Variants in LRRN1 observed in about 807,000 individuals in gnomAD.
LRRN1 encodes the protein leucine-rich repeat neuronal protein 1.
LRRN1 carries 14 observed loss-of-function variants against 45.8 expected under a neutral mutation model. That is an observed-to-expected ratio of 0.31 (90% CI 0.20 to 0.48). LRRN1 has a LOEUF of 0.48. LRRN1 is among the 20% of genes least tolerant of loss of function. LRRN1 has a pLI of 0.99. For missense variants in LRRN1, 789 were observed against 874.2 expected (o/e 0.90, Z 1.23); for synonymous variants, 359 against 330.1 (o/e 1.09, Z -0.95).
rs994531344 is a variant in LRRN1 at position 3,846,209 on chromosome 3, G to A, written c.1568G>A (p.Gly523Asp). ...AAGGTTAATGGGACCCTTCTGGATG[G>A]TACCCAGGTGCTAAAAATATACGTC... ...TIKVNGTLLD[G>D]TQVLKIYVKQ... Residue 523 changes from glycine (G) to aspartate (D), a missense_variant, in exon 2 of 2, where the codon GGT becomes GAT. Transcript: ENST00000319331. The surrounding 1 kb of genome is among the most constrained non-coding windows in gnomAD (Gnocchi z 5.7). 6.2e-7 allele frequency: 1 copy of A among 1,614,038 alleles called. No individual in the cohort carries two copies. The highest frequency in any genetic ancestry group is 1.1e-5 in the South Asian group (1 of 91,082).
intron 1 of LRRN1, among the ~76,000 whole-genome samples, chr3:3,820,118 C>A (rs1363259601): frequency 6.6e-6 from 1 of 152,122 alleles, no homozygotes; most frequent in African/African-American, 2.4e-5. Flanking sequence ...ACCATGTCTA[C>A]CTTTCTCACA....
intron 1 of LRRN1, among the ~76,000 whole-genome samples, chr3:3,821,156 C>T (rs1041090438): frequency 3.3e-5 from 5 of 152,182 alleles, no homozygotes; most frequent in Non-Finnish European, 5.9e-5. Flanking sequence ...GATTCATGAA[C>T]AACTAAGTTT....
intron 1 of LRRN1, among the ~76,000 whole-genome samples, chr3:3,834,339 G>A (rs1050616806): frequency 2.0e-5 from 3 of 150,960 alleles, no homozygotes; most frequent in Admixed American, 6.6e-5. Context: ...TTACAACAAC[G>A]ACTATCAGTG....
intron 1 of LRRN1, among the ~76,000 whole-genome samples, chr3:3,839,639 A>G (rs1363255646): frequency 6.6e-6 from 1 of 152,152 alleles, no homozygotes; most frequent in Non-Finnish European, 1.5e-5. Context: ...TTGTGTTTAT[A>G]TCATCTTTGA....
chr3:3,848,549 C>G lies in LRRN1; in HGVS notation c.*1757C>G, dbSNP rs730718. Among the ~76,000 whole-genome samples, 35,706 of 152,036 alleles carry G rather than the reference C, an allele frequency of 0.23. 5,465 individuals carry two copies. Among genetic ancestry groups the G allele is most frequent in the East Asian group, 0.47 (2,409 of 5,170 alleles). ...TATTTCTTTCTTTGGCAGTATCTTG[C>G]TTTTGTGAATCACTTTATTAAAAAA... On this transcript the variant is annotated 3_prime_UTR_variant, in exon 2 of 2. Transcript: ENST00000319331.
At chr3:3,832,474 C>T (rs1047778544) in intron 1 of LRRN1, among the ~76,000 whole-genome samples, 1 of 152,174 alleles carries the variant, frequency 6.6e-6, no homozygotes, top group African/African-American at 2.4e-5. Context: ...GCATAAGCCC[C>T]TGCTTTAACT....
In LRRN1 at chr3:3,849,321, G is replaced by A. The variant is rs1693846997; in HGVS notation, c.*2529G>A. On this transcript the variant is annotated 3_prime_UTR_variant, in exon 2 of 2. Coordinates refer to ENST00000319331, the MANE Select transcript of LRRN1 (RefSeq NM_020873.7). ...ACAATATCTTCTGCCAGCCCAGTTTGGGGGGAAAAACCCCTTTTACATTTT... is the reference window on the plus strand; with the variant it reads ...ACAATATCTTCTGCCAGCCCAGTTTAGGGGGAAAAACCCCTTTTACATTTT... Among the ~76,000 whole-genome samples the A allele has an allele frequency of 6.6e-6, 1 of 152,102 alleles. No homozygotes were observed. The highest frequency in any genetic ancestry group is 1.5e-5 in the Non-Finnish European group (1 of 68,012).
In LRRN1 at chr3:3,839,035, G is replaced by A. The variant is rs1037951701; in HGVS notation, c.-278-5329G>A. 5.3e-5 allele frequency among the ~76,000 whole-genome samples: 8 copies of A among 152,076 alleles called. No homozygotes were observed. The South Asian group carries it at 1.2e-3, about 24-fold the overall frequency. ...ATCATCTCATTTGTCTTCTGTTGTT[G>A]TTGTCGTTGCCTGTGTTTTTGGTGT... is the stretch of plus-strand genomic sequence containing the variant. On this transcript the variant is annotated intron_variant, in intron 1 of 1. Coordinates refer to ENST00000319331, the MANE Select transcript of LRRN1 (RefSeq NM_020873.7).
chr3:3,801,997 G>A (rs1692662529), intron 1 of LRRN1, among the ~76,000 whole-genome samples: 1 of 152,136 alleles, frequency 6.6e-6, no homozygotes, highest in African/African-American at 2.4e-5. Flanking sequence ...GTCGTTGACC[G>A]ACATGAAGAT....
At chr3:3,824,397 C>T (rs745629241) in intron 1 of LRRN1, among the ~76,000 whole-genome samples, 7 of 152,082 alleles carry the variant, frequency 4.6e-5, no homozygotes, top group Non-Finnish European at 8.8e-5. Flanking sequence ...TGTTCTATCA[C>T]CAATTAAGAG....
intron 1 of LRRN1, chr3:3,801,298 A>C (rs1228098990): frequency 6.6e-6 from 1 of 152,238 alleles, no homozygotes; most frequent in African/African-American, 2.4e-5. Flanking sequence ...TGGAATTCTA[A>C]TTGGGTGAGG....
chr3:3,801,966 T>C (rs1692661735), intron 1 of LRRN1, among the ~76,000 whole-genome samples: 1 of 152,208 alleles, frequency 6.6e-6, no homozygotes, highest in Non-Finnish European at 1.5e-5. Context: ...TCAGAGCTAT[T>C]CATTATAGTA....
chr3:3,807,785 G>A (rs1328020737), intron 1 of LRRN1, among the ~76,000 whole-genome samples: 1 of 152,138 alleles, frequency 6.6e-6, no homozygotes, highest in Non-Finnish European at 1.5e-5. Flanking sequence ...TAAGGACAGT[G>A]GAGTAGCAAT....
chr3:3,802,587 C>T (rs571144366), intron 1 of LRRN1, among the ~76,000 whole-genome samples: 1 of 152,066 alleles, frequency 6.6e-6, no homozygotes, highest in South Asian at 2.1e-4. Context: ...GGTTCAGTGC[C>T]TTTTATACAT....
chr3:3,841,046 T>C (rs1272691374), intron 1 of LRRN1, among the ~76,000 whole-genome samples: 2 of 152,106 alleles, frequency 1.3e-5, no homozygotes, highest in East Asian at 3.9e-4. Flanking sequence ...ACACCTGTAA[T>C]CCCAGCACTT....
chr3:3,809,815 A>G (rs1311686556), intron 1 of LRRN1, among the ~76,000 whole-genome samples: 1 of 152,210 alleles, frequency 6.6e-6, no homozygotes, highest in African/African-American at 2.4e-5. Flanking sequence ...AGTCCTTAGC[A>G]CAGTTCCTCT....
intron 1 of LRRN1, among the ~76,000 whole-genome samples, chr3:3,841,309 T>A (rs1035713131): frequency 9.2e-5 from 9 of 98,000 alleles, no homozygotes; most frequent in South Asian, 3.6e-4. Flanking sequence ...AAAAAAAAAA[T>A]TAGTTGAAAT....
At position 3,849,246 on chromosome 3, in the gene LRRN1, C is replaced by A. The variant is rs1266578085; in HGVS notation, c.*2454C>A. On this transcript the variant is annotated 3_prime_UTR_variant, in exon 2 of 2. Transcript: ENST00000319331. ...ATGAAGGGAAAAACCTCAGCCGTTT[C>A]TCCATTCTGAAGATATAGCAAGCAC... 6.6e-6 allele frequency among the ~76,000 whole-genome samples: 1 copy of A among 152,182 alleles called. No individual in the cohort carries two copies. Among genetic ancestry groups the A allele is most frequent in the African/African-American group, 2.4e-5 (1 of 41,448 alleles).
intron 1 of LRRN1, among the ~76,000 whole-genome samples, chr3:3,802,423 A>C (rs930431594): frequency 6.6e-6 from 1 of 152,168 alleles, no homozygotes. Context: ...AGTATTCTAT[A>C]TATTCACTGA....
Sources: gnomAD v4.1 joint callset for allele counts (sites outside exome capture counted in the v4.1 genomes callset) on GRCh38, gnomAD v4.1.1 for gene constraint, Gnocchi (gnomAD v3.1) non-coding constraint, MANE v1.5 for transcripts, NCBI Gene and HGNC (gene_info 2026-07-23, HGNC 2026-07-21) for gene names.